RPS6KA2: variants seen among roughly 807,000 people sequenced by gnomAD.
The protein encoded by RPS6KA2 is ribosomal protein S6 kinase A2, also known as ribosomal protein S6 kinase alpha-2.
In RPS6KA2, 42 loss-of-function variants were observed where a neutral mutation model predicts 91.8. That is an observed-to-expected ratio of 0.46 (90% CI 0.36 to 0.59). The LOEUF is 0.59. RPS6KA2 is among the 20% of genes least tolerant of loss of function. RPS6KA2 has a pLI of 0.00. For synonymous variants in RPS6KA2, 414 were observed against 393.6 expected, an observed-to-expected ratio of 1.05 and a Z score of -0.61; for missense variants, 798 against 978.5, an observed-to-expected ratio of 0.82 and a Z score of 2.46.
At chr6:166,413,699 CACTCTGTGGTTTCT>C in intron 20 of RPS6KA2, 81 bp downstream of exon 20, 1 of 1,348,744 alleles carries the variant, frequency 7.4e-7, no homozygotes. Flanking sequence ...TCTTTCTCTG[CACTCTGTGGTTTCT>C]TCGGAGTGAT....
At chr6:166,746,955 G>A (rs1346031752) in intron 2 of RPS6KA2, among the ~76,000 whole-genome samples, 1 of 152,250 alleles carries the variant, frequency 6.6e-6, no homozygotes, top group Non-Finnish European at 1.5e-5. Flanking sequence ...AGATGGACAT[G>A]GGGTGAAGCA....
chr6:166,417,620 TACACACACAC>T (rs10568123), intron 19 of RPS6KA2, among the ~76,000 whole-genome samples: 3 of 148,590 alleles, frequency 2.0e-5, no homozygotes, highest in South Asian at 2.1e-4. Flanking sequence ...TCTCTCTCTA[TACACACACAC>T]ACACACACAC....
At chr6:166,668,393 C>G (rs372626986) in intron 2 of RPS6KA2, among the ~76,000 whole-genome samples, 1 of 152,134 alleles carries the variant, frequency 6.6e-6, no homozygotes. Flanking sequence ...GCCACAAGAG[C>G]GTCAGACGTG....
chr6:166,616,004 T>G (rs1308883930), intron 1 of RPS6KA2, among the ~76,000 whole-genome samples: 3 of 152,256 alleles, frequency 2.0e-5, no homozygotes, highest in Admixed American at 2.0e-4. Flanking sequence ...ACCCAATCCC[T>G]GTAACAGCAG....
At chr6:166,757,723 C>T (rs1778057637) in intron 2 of RPS6KA2, 2 of 365,762 alleles carry the variant, frequency 5.5e-6, no homozygotes, top group African/African-American at 4.3e-5. Context: ...CTCTTCCCTC[C>T]CCTCACCCCT....
At chr6:166,719,968 T>C (rs893641669) in intron 2 of RPS6KA2, among the ~76,000 whole-genome samples, 1 of 152,218 alleles carries the variant, frequency 6.6e-6, no homozygotes, top group East Asian at 1.9e-4. Flanking sequence ...CTTTGAGATA[T>C]GTGGGAGAAA....
chr6:166,480,514 T>TATATATATATATATAA lies in RPS6KA2; in HGVS notation c.907+8318_907+8319insTTATATATATATATAT, dbSNP rs1554279395. On this transcript the variant is annotated intron_variant, in intron 10 of 20. Coordinates refer to ENST00000265678, the MANE Select transcript of RPS6KA2 (RefSeq NM_021135.6). ...ATATATATATATATATATATATATA[T>TATATATATATATATAA]AATATATTTTTTTTTTTTGAGAGAG... 1.3e-3 allele frequency among the ~76,000 whole-genome samples: 148 copies of TATATATATATATATAA among 110,392 alleles called. 1 individual carries two copies. The highest frequency in any genetic ancestry group is 1.8e-3 in the Admixed American group (18 of 10,220). 72.4% of individuals were successfully genotyped at this position (110,392 alleles called of 152,430 possible). A position where few individuals can be genotyped will look rare whatever the true frequency, so the allele number is the denominator to read the frequency against.
chr6:166,531,132 G>A, intron 3 of RPS6KA2, 100 bp downstream of exon 3: 1 of 826,582 alleles, frequency 1.2e-6, no homozygotes. Flanking sequence ...GACATTTTCA[G>A]AAATCGTGAA....
intron 2 of RPS6KA2, among the ~76,000 whole-genome samples, chr6:166,645,452 C>T (rs984627632): frequency 1.3e-5 from 2 of 152,196 alleles, no homozygotes; most frequent in Non-Finnish European, 2.9e-5. Context: ...AGCACTGGTA[C>T]ACCCTGTTCC....
intron 2 of RPS6KA2, among the ~76,000 whole-genome samples, chr6:166,833,997 A>G (rs542402795): frequency 1.6e-4 from 24 of 151,984 alleles, no homozygotes; most frequent in Non-Finnish European, 3.1e-4. Context: ...GCCTCCCAAA[A>G]TGCTGGGATT....
chr6:166,848,494 T>TG (rs1328407213), intron 2 of RPS6KA2, among the ~76,000 whole-genome samples: 1 of 152,156 alleles, frequency 6.6e-6, no homozygotes, highest in Admixed American at 6.5e-5. Flanking sequence ...TGCAAAAATG[T>TG]GGAACCACCC....
At chr6:166,504,654 C>G in intron 5 of RPS6KA2, 42 bp from the exon 6 acceptor site, 1 of 1,379,118 alleles carries the variant, frequency 7.3e-7, no homozygotes, top group Non-Finnish European at 1.0e-6. Context: ...AAACGTTTAA[C>G]TTGTTTTATG....
intron 14 of RPS6KA2, among the ~76,000 whole-genome samples, chr6:166,436,702 C>G (rs1304030134): frequency 1.3e-5 from 2 of 152,240 alleles, no homozygotes; most frequent in Admixed American, 1.3e-4. Flanking sequence ...CTCCCAGCCT[C>G]TGAGGCACAG....
intron 2 of RPS6KA2, among the ~76,000 whole-genome samples, chr6:166,844,501 A>C (rs949600125): frequency 6.6e-6 from 1 of 152,260 alleles, no homozygotes; most frequent in Non-Finnish European, 1.5e-5. Flanking sequence ...GAAGGAAAGA[A>C]TCTTAAGAGC....
chr6:166,637,271 C>T (rs1787276412), intron 2 of RPS6KA2, among the ~76,000 whole-genome samples: 1 of 152,242 alleles, frequency 6.6e-6, no homozygotes, highest in Non-Finnish European at 1.5e-5. Context: ...GTGCTTCCTA[C>T]AGGCCGGGCC....
At chr6:166,630,933 G>A (rs986544635), upstream of RPS6KA2, among the ~76,000 whole-genome samples, 1 of 152,336 alleles carries the variant, frequency 6.6e-6, no homozygotes, top group East Asian at 1.9e-4. Context: ...GTGGGGGCAC[G>A]TTCGGAGCAG....
chr6:166,823,049 A>G (rs1347169800), intron 2 of RPS6KA2, among the ~76,000 whole-genome samples: 1 of 152,242 alleles, frequency 6.6e-6, no homozygotes, highest in African/African-American at 2.4e-5. Flanking sequence ...AGAAAAAGAC[A>G]ACCAGACATC....
chr6:166,752,263 A>C (rs1261437562), intron 2 of RPS6KA2, among the ~76,000 whole-genome samples: 1 of 152,242 alleles, frequency 6.6e-6, no homozygotes, highest in Non-Finnish European at 1.5e-5. Flanking sequence ...GACATCACAC[A>C]GAGTGAACAG....
At chr6:166,596,926 G>C (rs1419820237) in intron 1 of RPS6KA2, among the ~76,000 whole-genome samples, 3 of 152,128 alleles carry the variant, frequency 2.0e-5, no homozygotes, top group Admixed American at 6.5e-5. Context: ...GCTATGTAGG[G>C]GTGAGGGGGA....
Sources: allele counts gnomAD v4.1 joint callset (sites outside exome capture counted in the v4.1 genomes callset), GRCh38; gene constraint gnomAD v4.1.1; transcripts MANE v1.5; gene names NCBI Gene and HGNC (gene_info 2026-07-23, HGNC 2026-07-21).